TUSC3: variants seen among roughly 807,000 people sequenced by gnomAD.
TUSC3 encodes tumor suppressor candidate 3.
In TUSC3, 45 loss-of-function variants were observed where a neutral mutation model predicts 44.8. The observed-to-expected ratio is 1.00, with a 90% CI of 0.79 to 1.29. The LOEUF is 1.29. TUSC3 is among the 50% of genes most tolerant of loss of function. The pLI, the probability that TUSC3 is intolerant of heterozygous loss-of-function variation, is 0.00. For synonymous variants in TUSC3, 212 were observed against 152.9 expected (o/e 1.39, Z -2.85); for missense variants, 519 against 437.9 (o/e 1.19, Z -1.65).
chr8:15,664,100 G>T (rs184010185), intron 5 of TUSC3, among the ~76,000 whole-genome samples: 2 of 151,574 alleles, frequency 1.3e-5, no homozygotes, highest in East Asian at 3.9e-4. Context: ...TTTTCTTTGG[G>T]GTATGCTTCA....
chr8:15,473,802 CAG>C (rs1361776596), intron 1 of TUSC3, among the ~76,000 whole-genome samples: 1 of 152,150 alleles, frequency 6.6e-6, no homozygotes, highest in Non-Finnish European at 1.5e-5. Context: ...CAAGGCAAAA[CAG>C]AACTACTGAT....
At chr8:15,435,456 T>C (rs1474515610) in intron 1 of TUSC3, among the ~76,000 whole-genome samples, 1 of 152,254 alleles carries the variant, frequency 6.6e-6, no homozygotes, top group Non-Finnish European at 1.5e-5. Flanking sequence ...AGTACTCAAA[T>C]GTCTACAGAA....
chr8:15,823,062 T>C, the TUSC3 span, among the ~76,000 whole-genome samples: 1 of 152,170 alleles, frequency 6.6e-6, no homozygotes, highest in African/African-American at 2.4e-5. Context: ...GATCAACCAG[T>C]GTGATTTTCC....
At chr8:15,779,372 T>A in the TUSC3 span, among the ~76,000 whole-genome samples, 27 of 152,282 alleles carry the variant, frequency 1.8e-4, no homozygotes, top group South Asian at 5.6e-3. Context: ...CCAGCCCACA[T>A]ATGCACTTTT....
At chr8:15,599,152 T>A (rs1804180867) in intron 1 of TUSC3, among the ~76,000 whole-genome samples, 1 of 151,834 alleles carries the variant, frequency 6.6e-6, no homozygotes. Context: ...GGTTTATAAT[T>A]GTCTTAATTT....
At chr8:15,571,979 G>A (rs1273670981) in intron 1 of TUSC3, among the ~76,000 whole-genome samples, 1 of 152,146 alleles carries the variant, frequency 6.6e-6, no homozygotes, top group Non-Finnish European at 1.5e-5. Flanking sequence ...ATAGAGCACA[G>A]GCACAATAGA....
At chr8:15,695,004 CGGT>C (rs1809097263) in intron 6 of TUSC3, among the ~76,000 whole-genome samples, 1 of 152,180 alleles carries the variant, frequency 6.6e-6, no homozygotes, top group Non-Finnish European at 1.5e-5. Flanking sequence ...GCACCATTGC[CGGT>C]GTCATAGCAG....
At chr8:15,493,753 AG>A (rs1023481592) in intron 2 of TUSC3, among the ~76,000 whole-genome samples, 12 of 152,330 alleles carry the variant, frequency 7.9e-5, no homozygotes, top group Non-Finnish European at 1.6e-4. Context: ...AAGTTCAAAA[AG>A]TGAGCCCCCA....
chr8:15,828,214 C>T, the TUSC3 span, among the ~76,000 whole-genome samples: 109 of 152,218 alleles, frequency 7.2e-4, no homozygotes, highest in African/African-American at 2.5e-3. Context: ...AGGCTGGTCG[C>T]GAACTCCCCA....
At chr8:15,627,761 C>G (rs905187278) in intron 2 of TUSC3, among the ~76,000 whole-genome samples, 1 of 152,244 alleles carries the variant, frequency 6.6e-6, no homozygotes, top group African/African-American at 2.4e-5. Flanking sequence ...GCTGCACGCC[C>G]TGCTCTAGCC....
chr8:15,572,891 T>A lies in TUSC3; in HGVS notation c.138+32323T>A, dbSNP rs1802929970. Among the ~76,000 whole-genome samples the A allele has an allele frequency of 2.0e-5, 3 of 152,160 alleles. 1 individual carries two copies. Among genetic ancestry groups the A allele is most frequent in the Admixed American group, 2.0e-4 (3 of 15,276 alleles). On this transcript the variant is annotated intron_variant, in intron 1 of 10. Transcript: ENST00000503731. ...CACCATTTGTGGTGCCCCAAAACAA[T>A]CACAAAAGTGACATCAAAGATCACT...
chr8:15,459,564 A>G (rs1357871229), intron 1 of TUSC3, among the ~76,000 whole-genome samples: 1 of 152,054 alleles, frequency 6.6e-6, no homozygotes, highest in East Asian at 1.9e-4. Context: ...TGGTGCAGCC[A>G]TCGCCCAAGC....
At chr8:15,453,732 G>T (rs1800221970) in intron 1 of TUSC3, among the ~76,000 whole-genome samples, 1 of 152,140 alleles carries the variant, frequency 6.6e-6, no homozygotes. Context: ...TGTTACAGTG[G>T]GCAGGTAGTC....
At chr8:15,484,732 C>G (rs939170540) in intron 2 of TUSC3, among the ~76,000 whole-genome samples, 13 of 152,142 alleles carry the variant, frequency 8.5e-5, no homozygotes, top group African/African-American at 3.1e-4. Context: ...TGAATTTAAG[C>G]TGAAACTGCG....
At chr8:15,439,803 C>T (rs62501880) in intron 1 of TUSC3, among the ~76,000 whole-genome samples, 8,479 of 152,208 alleles carry the variant, frequency 0.056, 283 homozygotes, top group East Asian at 0.15. Flanking sequence ...TTCATTTCTG[C>T]CTTGCACTAG....
chr8:15,810,801 G>A, the TUSC3 span, among the ~76,000 whole-genome samples: 1 of 152,138 alleles, frequency 6.6e-6, no homozygotes, highest in Admixed American at 6.6e-5. Context: ...TCTCCGTTAA[G>A]GTCTTCCATT....
intron 1 of TUSC3, among the ~76,000 whole-genome samples, chr8:15,554,901 G>A (rs973781930): frequency 6.0e-5 from 9 of 151,042 alleles, no homozygotes; most frequent in African/African-American, 1.2e-4. Flanking sequence ...CACCGCACCC[G>A]GCCAACATTT....
At chr8:15,572,828 CAT>C (rs1329350169) in intron 1 of TUSC3, among the ~76,000 whole-genome samples, 18 of 152,228 alleles carry the variant, frequency 1.2e-4, no homozygotes, top group Admixed American at 9.2e-4. Context: ...TCTGAATACA[CAT>C]GACATTTATC....
rs565391656 is a variant in TUSC3, at chr8:15,657,471, C to G, written c.427-2036C>G. ...CTTTGCAGTTTGTAAGAAGGATGGT[C>G]TTTTTTTCCAGATTTCAATACCTGT... On this transcript the variant is annotated intron_variant, in intron 3 of 10. Coordinates refer to ENST00000503731, the MANE Select transcript of TUSC3 (RefSeq NM_006765.4). 7.2e-5 allele frequency among the ~76,000 whole-genome samples: 11 copies of G among 152,232 alleles called. No homozygotes were observed. In the South Asian group the frequency reaches 2.3e-3, roughly 32 times the overall value.
Sources: gnomAD v4.1 joint callset for allele counts (sites outside exome capture counted in the v4.1 genomes callset) on GRCh38, gnomAD v4.1.1 for gene constraint, MANE v1.5 for transcripts, NCBI Gene and HGNC (gene_info 2026-07-23, HGNC 2026-07-21) for gene names.